AKAP6: variants seen among roughly 807,000 people sequenced by gnomAD.
AKAP6 encodes the protein A-kinase anchor protein 6.
In AKAP6, 58 loss-of-function variants were observed where a neutral mutation model predicts 188.5. The ratio of observed to expected loss-of-function variants is 0.31; its 90% CI spans 0.25 to 0.38. The LOEUF (loss-of-function observed/expected upper bound fraction) is 0.38. Ranked by LOEUF, AKAP6 falls within the 10% of genes least tolerant of loss-of-function variation. AKAP6 has a pLI of 1.00. For synonymous variants in AKAP6, 989 were observed against 998.6 expected, an observed-to-expected ratio of 0.99 and a Z score of 0.18; for missense variants, 2,710 against 2,740.0, an observed-to-expected ratio of 0.99 and a Z score of 0.24.
chr14:32,427,029 G>A (rs999157304), intron 1 of AKAP6, among the ~76,000 whole-genome samples: 8 of 152,142 alleles, frequency 5.3e-5, no homozygotes, highest in Non-Finnish European at 8.8e-5. Context: ...GGGCACAGCT[G>A]TACAAAAGGA....
chr14:32,750,747 T>G (rs1363977616), intron 11 of AKAP6, among the ~76,000 whole-genome samples: 93 of 143,256 alleles, frequency 6.5e-4, no homozygotes, highest in African/African-American at 2.4e-3. Context: ...GTTTTTTTTT[T>G]TTTGTTTTTT....
At chr14:32,401,333 A>G (rs1184742313) in intron 1 of AKAP6, among the ~76,000 whole-genome samples, 1 of 152,200 alleles carries the variant, frequency 6.6e-6, no homozygotes, top group East Asian at 1.9e-4. Flanking sequence ...AAGTGGTACA[A>G]CTATCATATG....
At chr14:32,505,499 C>T (rs1380206896) in intron 2 of AKAP6, among the ~76,000 whole-genome samples, 1 of 151,824 alleles carries the variant, frequency 6.6e-6, no homozygotes, top group Non-Finnish European at 1.5e-5. Flanking sequence ...CAACCAAATC[C>T]ATGATGAACA....
intron 9 of AKAP6, among the ~76,000 whole-genome samples, chr14:32,723,555 GTTT>G (rs2030674055): frequency 6.9e-6 from 1 of 145,178 alleles, no homozygotes; most frequent in South Asian, 2.2e-4. Flanking sequence ...GTGCGTATGT[GTTT>G]ATGTGTGTGT....
Position 32,732,473 on chromosome 14 carries a change from C to T in AKAP6, c.3020C>T (p.Ser1007Phe). 1.2e-6 allele frequency: 2 copies of T among 1,613,158 alleles called. No individual in the cohort carries two copies. The highest frequency in any genetic ancestry group is 1.7e-6 in the Non-Finnish European group (2 of 1,179,502). Residue 1007 changes from serine (S) to phenylalanine (F), a missense_variant, in exon 10 of 14, where the codon TCC (serine) becomes TTC (phenylalanine). Around this residue, in one of 2 missense-constraint regions of AKAP6, gnomAD observed 2,473 missense variants for 2,426.1 expected, o/e 1.02. Coordinates refer to ENST00000280979, the MANE Select transcript of AKAP6 (RefSeq NM_004274.5). The part of the protein sequence containing the change: ...HLYKRYSVEM[S>F]IRHLKKTELL... ...TTTTAGCGATACAGTGTGGAAATGT[C>T]CATCAGACACCTGAAAAAGACGGAG... is the stretch of plus-strand genomic sequence containing the variant.
At chr14:32,787,409 T>C (rs1237705188) in intron 12 of AKAP6, among the ~76,000 whole-genome samples, 1 of 152,256 alleles carries the variant, frequency 6.6e-6, no homozygotes, top group Non-Finnish European at 1.5e-5. Flanking sequence ...CCATTGTAAC[T>C]TGGGGATTCA....
intron 7 of AKAP6, among the ~76,000 whole-genome samples, chr14:32,627,161 A>G (rs892602375): frequency 2.0e-4 from 30 of 152,164 alleles, no homozygotes; most frequent in African/African-American, 6.3e-4. Context: ...TGTACCATCA[A>G]ATGCTCAGTT....
At chr14:32,665,151 A>G (rs1455676367) in intron 7 of AKAP6, among the ~76,000 whole-genome samples, 5 of 152,172 alleles carry the variant, frequency 3.3e-5, no homozygotes, top group Non-Finnish European at 5.9e-5. Flanking sequence ...CAAGCAGTGG[A>G]CACCAACTGA....
intron 7 of AKAP6, among the ~76,000 whole-genome samples, chr14:32,636,449 C>T (rs944240556): frequency 1.9e-4 from 29 of 151,988 alleles, no homozygotes; most frequent in African/African-American, 5.6e-4. Flanking sequence ...AGTAAATATT[C>T]GAGTTCTTCT....
chr14:32,382,378 AGCGCTGG>A (rs539869248), intron 1 of AKAP6, among the ~76,000 whole-genome samples: 1 of 152,106 alleles, frequency 6.6e-6, no homozygotes, highest in Non-Finnish European at 1.5e-5. Context: ...TCACTGTGTG[AGCGCTGG>A]GCGGGTTGCA....
intron 1 of AKAP6, chr14:32,403,194 A>G (rs960496095): frequency 1.3e-5 from 2 of 152,210 alleles, no homozygotes; most frequent in African/African-American, 4.8e-5. Flanking sequence ...GAGGGACCAT[A>G]GCTGTCAACA....
intron 2 of AKAP6, among the ~76,000 whole-genome samples, chr14:32,530,716 T>C (rs8004873): frequency 0.029 from 4,439 of 152,184 alleles, 206 homozygotes; most frequent in African/African-American, 0.1. Context: ...GGGTGCCTCA[T>C]TTCTGTCTCT....
At chr14:32,359,244 T>C (rs17098895) in intron 1 of AKAP6, among the ~76,000 whole-genome samples, 18,219 of 152,144 alleles carry the variant, frequency 0.12, 1,428 homozygotes, top group African/African-American at 0.22. Flanking sequence ...GAGGAGCCTT[T>C]TCCAAAAAGT....
chr14:32,373,595 A>G (rs1888076215), intron 1 of AKAP6: 1 of 152,192 alleles, frequency 6.6e-6, no homozygotes, highest in Non-Finnish European at 1.5e-5. Flanking sequence ...TACAAAGGCA[A>G]TCTAGTCCCC....
chr14:32,348,319 C>G (rs1412738038), intron 1 of AKAP6, among the ~76,000 whole-genome samples: 1 of 151,842 alleles, frequency 6.6e-6, no homozygotes, highest in African/African-American at 2.4e-5. Context: ...GCGTAAAAAG[C>G]AGGAATCCCA....
intron 7 of AKAP6, chr14:32,617,042 A>G (rs926653959): frequency 1.3e-5 from 2 of 152,254 alleles, no homozygotes; most frequent in Non-Finnish European, 2.9e-5. Context: ...TAGCCTCTGA[A>G]TTTAACCTTA....
At chr14:32,348,497 C>T (rs7146346) in intron 1 of AKAP6, among the ~76,000 whole-genome samples, 23,416 of 149,144 alleles carry the variant, frequency 0.16, 2,019 homozygotes, top group East Asian at 0.37. Flanking sequence ...CCACTGCAAC[C>T]TCTGCCTCCT....
chr14:32,579,789 T>G (rs1381479095), intron 5 of AKAP6, among the ~76,000 whole-genome samples: 1 of 152,164 alleles, frequency 6.6e-6, no homozygotes, highest in Non-Finnish European at 1.5e-5. Context: ...AACCTTCCCA[T>G]AAAAGAAAAT....
chr14:32,688,904 C>T (rs764743976), intron 8 of AKAP6, among the ~76,000 whole-genome samples: 11 of 152,240 alleles, frequency 7.2e-5, no homozygotes, highest in Non-Finnish European at 1.3e-4. Context: ...CAATTATTTA[C>T]AGGTTGTTGA....
Sources: allele counts gnomAD v4.1 joint callset (sites outside exome capture counted in the v4.1 genomes callset), GRCh38; gene constraint gnomAD v4.1.1; regional missense constraint gnomAD v4.1.1; transcripts MANE v1.5; gene names NCBI Gene and HGNC (gene_info 2026-07-23, HGNC 2026-07-21).